Variants in FNDC3B observed in about 807,000 individuals in gnomAD.
FNDC3B encodes the protein fibronectin type III domain containing 3B, also known as fibronectin type III domain-containing protein 3B.
A neutral mutation model predicts 151.5 loss-of-function variants in FNDC3B; 12 were observed. The observed-to-expected ratio is 0.08, with a 90% CI of 0.05 to 0.13. The LOEUF is 0.13. Among genes scored for constraint, FNDC3B ranks in the 10% least tolerant of loss-of-function variants. The pLI, the probability that FNDC3B is intolerant of heterozygous loss-of-function variation, is 1.00. For synonymous variants in FNDC3B, 528 were observed against 549.0 expected, an observed-to-expected ratio of 0.96 and a Z score of 0.54; for missense variants, 1,214 against 1,505.3, an observed-to-expected ratio of 0.81 and a Z score of 3.20.
chr3:172,193,169 A>C (rs1560011220), intron 3 of FNDC3B, among the ~76,000 whole-genome samples: 8 of 33,014 alleles, frequency 2.4e-4, no homozygotes, highest in African/African-American at 6.5e-4. Context: ...CCTTTCCCTC[A>C]TTCCCGCCCT....
At chr3:172,062,497 G>A (rs1275237512) in intron 1 of FNDC3B, among the ~76,000 whole-genome samples, 1 of 152,040 alleles carries the variant, frequency 6.6e-6, no homozygotes, top group African/African-American at 2.4e-5. Flanking sequence ...ATTTTTAGTA[G>A]AGATGGGGTT....
At chr3:172,326,359 ACT>A (rs1253425488) in intron 11 of FNDC3B, among the ~76,000 whole-genome samples, 9 of 152,066 alleles carry the variant, frequency 5.9e-5, no homozygotes, top group African/African-American at 2.2e-4. Flanking sequence ...GGTTTTAACA[ACT>A]CTGGATCTTT....
chr3:172,309,645 A>C (rs1731370155), intron 10 of FNDC3B, among the ~76,000 whole-genome samples: 1 of 152,142 alleles, frequency 6.6e-6, no homozygotes, highest in Admixed American at 6.5e-5. Flanking sequence ...AGAGAGAAGG[A>C]AGGGAAGGAG....
Position 172,040,181 on chromosome 3 carries a change from C to T in FNDC3B, c.-29+410C>T, listed in dbSNP as rs928122392. ...CCTCCCGGAATCTCCGCGGCAGGAACGCTGCCCAGGAGGGGGAGGGCGGGC... is the reference window on the plus strand; with the variant it reads ...CCTCCCGGAATCTCCGCGGCAGGAATGCTGCCCAGGAGGGGGAGGGCGGGC... On this transcript the variant is annotated intron_variant, in intron 1 of 25. Transcript: ENST00000415807. The surrounding 1 kb of genome is among the most constrained non-coding windows in gnomAD (Gnocchi z 6.6). Among the ~76,000 whole-genome samples the T allele has an allele frequency of 6.6e-6, 1 of 152,192 alleles. No homozygotes were observed. Among genetic ancestry groups the T allele is most frequent in the African/African-American group, 2.4e-5 (1 of 41,454 alleles).
intron 3 of FNDC3B, among the ~76,000 whole-genome samples, chr3:172,209,071 C>T (rs569717075): frequency 6.6e-6 from 1 of 151,524 alleles, no homozygotes; most frequent in South Asian, 2.1e-4. Context: ...GTTCTGGGCT[C>T]TCAGTAGGGC....
At chr3:172,330,515 G>A in intron 12 of FNDC3B, 26 bp from the exon 13 acceptor site, 1 of 1,594,120 alleles carries the variant, frequency 6.3e-7, no homozygotes, top group Non-Finnish European at 8.6e-7. Flanking sequence ...GCTTCTAACT[G>A]TGTGCCTCAC....
chr3:172,181,250 A>G (rs952868268), intron 3 of FNDC3B, among the ~76,000 whole-genome samples: 19 of 151,714 alleles, frequency 1.3e-4, no homozygotes, highest in Non-Finnish European at 2.5e-4. Context: ...AAATACAAAA[A>G]TTGGCTGGGT....
intron 24 of FNDC3B, 46 bp from the exon 25 acceptor site, chr3:172,380,920 A>G: frequency 1.9e-6 from 3 of 1,604,864 alleles, no homozygotes; most frequent in Non-Finnish European, 2.6e-6. Context: ...GACTATTAAC[A>G]TGATACTTTG....
chr3:172,394,999 CT>C (rs1736203822), intron 25 of FNDC3B, among the ~76,000 whole-genome samples: 1 of 152,110 alleles, frequency 6.6e-6, no homozygotes, highest in Non-Finnish European at 1.5e-5. Flanking sequence ...ATATAATTAT[CT>C]CATTAGATGC....
In FNDC3B at chr3:172,224,529, C is replaced by G. The variant is rs888803696; in HGVS notation, c.188-2342C>G. Among the ~76,000 whole-genome samples the G allele has an allele frequency of 1.2e-4, 18 of 152,066 alleles. No homozygotes were observed. The East Asian group carries it at 3.5e-3, about 29-fold the overall frequency. On this transcript the variant is annotated intron_variant, in intron 3 of 25. Coordinates refer to ENST00000415807, the MANE Select transcript of FNDC3B (RefSeq NM_022763.4). ...GATAAATAGTATACAAATTTTCTTC[C>G]CTGCTCCTGTTTTTTTTCCTATTTC...
At chr3:172,375,444 C>T (rs1333572647) in intron 23 of FNDC3B, among the ~76,000 whole-genome samples, 1 of 152,196 alleles carries the variant, frequency 6.6e-6, no homozygotes, top group Non-Finnish European at 1.5e-5. Context: ...CCACCTTATA[C>T]TTGTTTCACC....
intron 3 of FNDC3B, among the ~76,000 whole-genome samples, chr3:172,220,181 G>A (rs966676153): frequency 6.6e-6 from 1 of 152,090 alleles, no homozygotes; most frequent in Non-Finnish European, 1.5e-5. Flanking sequence ...GTGTGTGTGT[G>A]TGTGTCTTTT....
At chr3:172,185,523 G>A (rs73167243) in intron 3 of FNDC3B, among the ~76,000 whole-genome samples, 22,438 of 152,188 alleles carry the variant, frequency 0.15, 1,754 homozygotes, top group Admixed American at 0.2. Flanking sequence ...TGTATCTACC[G>A]TATTTTCAAG....
At chr3:172,063,032 T>C (rs1264357375) in intron 1 of FNDC3B, among the ~76,000 whole-genome samples, 3 of 152,198 alleles carry the variant, frequency 2.0e-5, no homozygotes, top group Non-Finnish European at 4.4e-5. Context: ...TTTTAAGATT[T>C]CTCTTTTGAA....
intron 12 of FNDC3B, 149 bp downstream of exon 12, chr3:172,329,225 G>C (rs1732513119): frequency 2.2e-6 from 2 of 909,670 alleles, no homozygotes; most frequent in South Asian, 3.6e-5. Flanking sequence ...TCAGAGGAGA[G>C]AAGGCCTCCT....
intron 13 of FNDC3B, among the ~76,000 whole-genome samples, chr3:172,332,723 G>A (rs565810058): frequency 9.2e-5 from 14 of 152,312 alleles, no homozygotes; most frequent in African/African-American, 2.9e-4. Flanking sequence ...TGGTCAGGAA[G>A]CTCAGCCACA....
At chr3:172,166,024 T>C (rs1457471425) in intron 3 of FNDC3B, among the ~76,000 whole-genome samples, 1 of 152,202 alleles carries the variant, frequency 6.6e-6, no homozygotes, top group Non-Finnish European at 1.5e-5. Flanking sequence ...CTTTTATGCA[T>C]GAAGGGCCTA....
chr3:172,162,954 A>C (rs774849421), intron 3 of FNDC3B, among the ~76,000 whole-genome samples: 7 of 152,210 alleles, frequency 4.6e-5, no homozygotes, highest in Non-Finnish European at 8.8e-5. Context: ...ACACATACAT[A>C]AGAATGCATA....
chr3:172,117,840 T>A (rs1720341513), intron 2 of FNDC3B, among the ~76,000 whole-genome samples: 1 of 152,226 alleles, frequency 6.6e-6, no homozygotes, highest in Non-Finnish European at 1.5e-5. Flanking sequence ...TCTATTCTTC[T>A]AGAATATTGC....
Sources: allele counts gnomAD v4.1 joint callset (sites outside exome capture counted in the v4.1 genomes callset), GRCh38; gene constraint gnomAD v4.1.1; non-coding constraint Gnocchi (gnomAD v3.1); transcripts MANE v1.5; gene names NCBI Gene and HGNC (gene_info 2026-07-23, HGNC 2026-07-21).